Variants in RBMS3 observed in about 807,000 individuals in gnomAD.
RBMS3 encodes the protein RNA binding motif single stranded interacting protein 3, also known as RNA-binding motif, single-stranded-interacting protein 3.
In RBMS3, 27 loss-of-function variants were observed where a neutral mutation model predicts 66.8. The ratio of observed to expected loss-of-function variants is 0.40; its 90% confidence interval spans 0.30 to 0.56. RBMS3 has a LOEUF of 0.56. Ranked by LOEUF, RBMS3 falls within the 20% of genes least tolerant of loss-of-function variation. RBMS3 has a pLI of 0.40. For missense variants in RBMS3, 513 were observed against 549.5 expected, an observed-to-expected ratio of 0.93 and a Z score of 0.66; for synonymous variants, 188 against 183.0, an observed-to-expected ratio of 1.03 and a Z score of -0.22.
At chr3:29,393,595 A>G (rs1262029895) in intron 1 of RBMS3, among the ~76,000 whole-genome samples, 1 of 152,198 alleles carries the variant, frequency 6.6e-6, no homozygotes, top group African/African-American at 2.4e-5. Context: ...TTCTATTAAA[A>G]TATAAGTCAG....
intron 5 of RBMS3, among the ~76,000 whole-genome samples, chr3:29,746,442 C>G (rs2054895164): frequency 6.6e-6 from 1 of 152,198 alleles, no homozygotes; most frequent in Admixed American, 6.5e-5. Flanking sequence ...ACTGTGTTTT[C>G]TGAGATTGAA....
At chr3:29,844,554 A>G (rs62235501) in intron 6 of RBMS3, among the ~76,000 whole-genome samples, 66,510 of 152,088 alleles carry the variant, frequency 0.44, 15,466 homozygotes, top group Non-Finnish European at 0.53. Context: ...ATAAAGCACT[A>G]TGATTAATAT....
At chr3:29,470,025 TA>T (rs1307148650) in intron 2 of RBMS3, among the ~76,000 whole-genome samples, 1 of 147,976 alleles carries the variant, frequency 6.8e-6, no homozygotes, top group Non-Finnish European at 1.5e-5. Context: ...ATTCAATGAT[TA>T]AAATATATAA....
At chr3:29,664,817 A>G (rs2050692076) in intron 4 of RBMS3, among the ~76,000 whole-genome samples, 1 of 152,192 alleles carries the variant, frequency 6.6e-6, no homozygotes, top group Non-Finnish European at 1.5e-5. Flanking sequence ...GGACACTTCT[A>G]GGTAAATGTG....
intron 1 of RBMS3, among the ~76,000 whole-genome samples, chr3:29,389,697 G>T (rs144592566): frequency 1.1e-3 from 169 of 152,306 alleles, no homozygotes; most frequent in Non-Finnish European, 1.9e-3. Context: ...CACTGGCTGG[G>T]ACTAGGGAAG....
At chr3:29,389,972 C>G (rs1353646091) in intron 1 of RBMS3, among the ~76,000 whole-genome samples, 1 of 151,982 alleles carries the variant, frequency 6.6e-6, no homozygotes, top group Admixed American at 6.6e-5. Flanking sequence ...GGTCACTATA[C>G]TTTATTTAGA....
intron 14 of RBMS3, among the ~76,000 whole-genome samples, chr3:29,994,845 A>C (rs1467758180): frequency 6.6e-6 from 1 of 152,248 alleles, no homozygotes; most frequent in Admixed American, 6.5e-5. Flanking sequence ...GGAAAACTGG[A>C]AACTCTAAAA....
chr3:29,991,291 T>G, intron 14 of RBMS3, 82 bp downstream of exon 14: 1 of 1,587,990 alleles, frequency 6.3e-7, no homozygotes, highest in Non-Finnish European at 8.6e-7. Flanking sequence ...TGTTAGCTTT[T>G]GCTGAAATAT....
intron 4 of RBMS3, among the ~76,000 whole-genome samples, chr3:29,676,933 G>A (rs549068883): frequency 1.3e-5 from 2 of 152,052 alleles, no homozygotes; most frequent in African/African-American, 2.4e-5. Flanking sequence ...AAGAAAAGAG[G>A]TTTAATTGGC....
intron 6 of RBMS3, among the ~76,000 whole-genome samples, chr3:29,819,535 T>C (rs1398404996): frequency 6.6e-6 from 1 of 152,194 alleles, no homozygotes; most frequent in Non-Finnish European, 1.5e-5. Context: ...TTGAATATCA[T>C]GGTTTTGAGA....
intron 1 of RBMS3, among the ~76,000 whole-genome samples, chr3:29,363,578 C>T (rs549724422): frequency 1.3e-5 from 2 of 152,236 alleles, no homozygotes; most frequent in African/African-American, 4.8e-5. Flanking sequence ...CACCTGAGAT[C>T]AGGAGTTTGA....
intron 6 of RBMS3, among the ~76,000 whole-genome samples, chr3:29,788,664 A>C (rs1235674528): frequency 2.6e-5 from 4 of 152,224 alleles, no homozygotes; most frequent in African/African-American, 9.6e-5. Context: ...GGTTGTTTAC[A>C]ATCTTTATTT....
rs184989484 is a variant in RBMS3 at position 29,752,313 on chromosome 3, A to T, written c.558-10597A>T. Among the ~76,000 whole-genome samples the T allele has an allele frequency of 1.5e-3, 222 of 151,776 alleles. 2 individuals are homozygous for T. The highest frequency in any genetic ancestry group is 4.5e-3 in the Admixed American group (68 of 15,254). ...CTCTTTTCTCCTTCCCTGCCAGTGG[A>T]GCTTGGAGTTTTTATGGGTACAGGG... is the stretch of plus-strand genomic sequence containing the variant. On this transcript the variant is annotated intron_variant, in intron 5 of 14. Transcript: ENST00000383767.
intron 3 of RBMS3, among the ~76,000 whole-genome samples, chr3:29,569,597 T>C (rs542367313): frequency 6.6e-6 from 1 of 152,210 alleles, no homozygotes; most frequent in East Asian, 1.9e-4. Flanking sequence ...TTAATTACAA[T>C]GAAAAGAAAA....
chr3:29,745,257 T>TA (rs1559628889), intron 5 of RBMS3, among the ~76,000 whole-genome samples: 1 of 151,914 alleles, frequency 6.6e-6, no homozygotes, highest in Non-Finnish European at 1.5e-5. Flanking sequence ...TGTTTTTTTT[T>TA]ACTCTCTTGT....
intron 3 of RBMS3, among the ~76,000 whole-genome samples, chr3:29,517,045 C>T (rs2044654352): frequency 6.6e-6 from 1 of 151,790 alleles, no homozygotes; most frequent in Non-Finnish European, 1.5e-5. Context: ...AAACCGATCT[C>T]TACTAAAAAT....
chr3:29,761,648 T>G (rs1032930931), intron 5 of RBMS3, among the ~76,000 whole-genome samples: 1 of 151,708 alleles, frequency 6.6e-6, no homozygotes, highest in Non-Finnish European at 1.5e-5. Context: ...TGTTAGCATA[T>G]TTTTTTTGTA....
At chr3:29,523,845 C>A (rs1397619055) in intron 3 of RBMS3, among the ~76,000 whole-genome samples, 2 of 152,108 alleles carry the variant, frequency 1.3e-5, no homozygotes, top group East Asian at 1.9e-4. Context: ...AGCAATCCTC[C>A]CACCTCAGCC....
chr3:29,637,495 T>G (rs1239761080), intron 4 of RBMS3, among the ~76,000 whole-genome samples: 1 of 151,860 alleles, frequency 6.6e-6, no homozygotes, highest in Admixed American at 6.6e-5. Context: ...TCTAAAATAG[T>G]CTGATTACAA....
Sources: gnomAD v4.1 joint callset for allele counts (sites outside exome capture counted in the v4.1 genomes callset) on GRCh38, gnomAD v4.1.1 for gene constraint, MANE v1.5 for transcripts, NCBI Gene and HGNC (gene_info 2026-07-23, HGNC 2026-07-21) for gene names.